The following NTAN1 variants were observed in gnomAD, a reference collection of about 807,000 sequenced individuals.
NTAN1 encodes the protein protein N-terminal asparagine amidohydrolase.
In NTAN1, 32 loss-of-function variants were observed where a neutral mutation model predicts 41.9. The ratio of observed to expected loss-of-function variants is 0.76; its 90% CI spans 0.58 to 1.03. NTAN1 has a LOEUF of 1.03. NTAN1 is among the 50% of genes least tolerant of loss of function. The pLI is 0.00. For missense variants in NTAN1, 377 were observed against 377.5 expected, an observed-to-expected ratio of 1.00 and a Z score of 0.01; for synonymous variants, 140 against 139.5, an observed-to-expected ratio of 1.00 and a Z score of -0.03.
intron 4 of NTAN1, among the ~76,000 whole-genome samples, chr16:15,046,405 G>A (rs2044064452): frequency 6.6e-6 from 1 of 152,214 alleles, no homozygotes; most frequent in Non-Finnish European, 1.5e-5. Flanking sequence ...TGTGTGAACA[G>A]TGGTCTTGAC....
intron 9 of NTAN1, 133 bp from the exon 10 acceptor site, chr16:15,038,343 A>C (rs1180457130): frequency 1.1e-5 from 8 of 696,482 alleles, no homozygotes; most frequent in Non-Finnish European, 1.9e-5. Context: ...GGTGGCCTGA[A>C]TTAGTAAGAA....
intron 4 of NTAN1, chr16:15,047,073 A>G (rs377613865): frequency 4.3e-6 from 1 of 233,506 alleles, no homozygotes; most frequent in African/African-American, 2.3e-5. Context: ...TAGAAACTAC[A>G]AGGTGTAGGT....
chr16:15,042,764 GCT>G (rs1567758579), intron 5 of NTAN1, among the ~76,000 whole-genome samples: 1 of 122,716 alleles, frequency 8.1e-6, no homozygotes. Flanking sequence ...ACGAAGTCTC[GCT>G]CTGTCACCCA....
intron 1 of NTAN1, among the ~76,000 whole-genome samples, chr16:15,053,555 C>T (rs1051954329): frequency 6.6e-6 from 1 of 152,052 alleles, no homozygotes; most frequent in South Asian, 2.1e-4. Flanking sequence ...TGTAGTCATA[C>T]TTTTTTTTCT....
chr16:15,046,930 C>T (rs1004560739), intron 4 of NTAN1, among the ~76,000 whole-genome samples: 1 of 152,042 alleles, frequency 6.6e-6, no homozygotes, highest in Non-Finnish European at 1.5e-5. Context: ...TAGCGGTCCC[C>T]ACATCTTCCT....
chr16:15,053,660 C>A (rs1034281851), intron 1 of NTAN1, among the ~76,000 whole-genome samples: 1 of 152,078 alleles, frequency 6.6e-6, no homozygotes, highest in East Asian at 1.9e-4. Flanking sequence ...CCGGTAATCC[C>A]AGCACTTTGG....
Position 15,047,992 on chromosome 16 carries a change from C to A in NTAN1, c.184+5G>T. The A allele has an allele frequency of 6.2e-7, 1 of 1,608,542 alleles. No individual in the cohort carries two copies. Among genetic ancestry groups the A allele is most frequent in the Non-Finnish European group, 8.5e-7 (1 of 1,174,908 alleles). On this transcript the variant is annotated splice_donor_5th_base_variant and intron_variant, in intron 2 of 9. Coordinates refer to ENST00000287706, the MANE Select transcript of NTAN1 (RefSeq NM_173474.4). The stretch of plus-strand genomic sequence containing the variant: ...TAACGCCCAATTCACTGCTTCCTAA[C>A]CTACCATCCTTTGGGGAGGTCACTG...
intron 4 of NTAN1, chr16:15,047,234 C>A: frequency 1.8e-6 from 1 of 557,364 alleles, no homozygotes; most frequent in Non-Finnish European, 3.2e-6. Context: ...TCAAATCCAG[C>A]ACAGACTCCT....
At chr16:15,044,437 CAGA>C (rs1313546995) in intron 4 of NTAN1, 30 bp from the exon 5 acceptor site, 10 of 1,449,630 alleles carry the variant, frequency 6.9e-6, no homozygotes, top group East Asian at 2.3e-5. Context: ...GGTCAGAGGC[CAGA>C]AGAAGACACC....
chr16:15,042,882 G>A (rs1207393932), intron 5 of NTAN1, among the ~76,000 whole-genome samples: 14 of 146,772 alleles, frequency 9.5e-5, no homozygotes, highest in African/African-American at 3.3e-4. Context: ...ACAGGCGTGC[G>A]CCACCATGCC....
chr16:15,047,773 AG>A (rs954546661), intron 3 of NTAN1, 81 bp downstream of exon 3: 7 of 1,206,616 alleles, frequency 5.8e-6, no homozygotes, highest in Admixed American at 1.7e-5. Context: ...ACAAGACACC[AG>A]GAAACTCAAC....
intron 9 of NTAN1, 68 bp downstream of exon 9, chr16:15,038,505 CT>C (rs1293604743): frequency 1.3e-5 from 12 of 926,344 alleles, no homozygotes; most frequent in African/African-American, 1.7e-5. Context: ...GGTCTAAACC[CT>C]TTTTTTCTTA....
In NTAN1 at chr16:15,037,979, C is replaced by A; in HGVS notation, c.*52G>T. ...TCCAGATCTGGATTCGTGCCAGCCC[C>A]ACCAATGGTCTGTCAGGCCAAGAAG... On this transcript the variant is annotated 3_prime_UTR_variant, in exon 10 of 10. Transcript: ENST00000287706. 1 of 1,402,146 alleles carries A rather than the reference C, an allele frequency of 7.1e-7. No homozygotes were observed. The highest frequency in any genetic ancestry group is 1.0e-6 in the Non-Finnish European group (1 of 1,000,426). 86.9% of individuals were successfully genotyped at this position (1,402,146 alleles called of 1,614,324 possible).
At chr16:15,053,705 G>A (rs958974968) in intron 1 of NTAN1, among the ~76,000 whole-genome samples, 27 of 152,208 alleles carry the variant, frequency 1.8e-4, no homozygotes, top group Admixed American at 1.2e-3. Context: ...GAGGTCAGGA[G>A]TTCAAGAACA....
intron 1 of NTAN1, 100 bp from the exon 2 acceptor site, chr16:15,048,199 C>A: frequency 1.3e-6 from 1 of 752,642 alleles, no homozygotes; most frequent in Non-Finnish European, 2.2e-6. Context: ...GTGGGCAGCA[C>A]GCTAGTGTGT....
At chr16:15,039,875 A>G in intron 8 of NTAN1, 94 bp downstream of exon 8, 1 of 713,194 alleles carries the variant, frequency 1.4e-6, no homozygotes, top group African/African-American at 1.8e-5. Flanking sequence ...AGAAGCTGAC[A>G]GCATAAACTT....
intron 1 of NTAN1, among the ~76,000 whole-genome samples, chr16:15,049,322 C>A (rs1353147834): frequency 6.6e-6 from 1 of 152,202 alleles, no homozygotes; most frequent in Non-Finnish European, 1.5e-5. Flanking sequence ...AGCCACCATA[C>A]CTGGCCTCCG....
At chr16:15,041,471 AG>A (rs2043813742) in intron 6 of NTAN1, 151 bp downstream of exon 6, 1 of 720,950 alleles carries the variant, frequency 1.4e-6, no homozygotes. Flanking sequence ...GGCAAGGGGA[AG>A]GGGAAGGCCA....
intron 5 of NTAN1, among the ~76,000 whole-genome samples, chr16:15,042,396 G>A (rs531390913): frequency 2.0e-5 from 3 of 151,934 alleles, no homozygotes; most frequent in South Asian, 4.2e-4. Context: ...CACCATGTTG[G>A]CCAGGCTGGT....
Sources: gnomAD v4.1 joint callset for allele counts (sites outside exome capture counted in the v4.1 genomes callset) on GRCh38, gnomAD v4.1.1 for gene constraint, MANE v1.5 for transcripts, NCBI Gene and HGNC (gene_info 2026-07-23, HGNC 2026-07-21) for gene names.